The following COL4A6 variants were observed in gnomAD, a reference collection of about 807,000 sequenced individuals.
The protein encoded by COL4A6 is collagen type IV alpha 6 chain.
A neutral mutation model predicts 126.7 loss-of-function variants in COL4A6; 59 were observed. The observed-to-expected ratio is 0.47, with a 90% CI of 0.38 to 0.58. The LOEUF is 0.58. Among genes scored for constraint, COL4A6 ranks in the 20% least tolerant of loss-of-function variants. COL4A6 has a pLI of 0.00. For missense variants in COL4A6, 1,285 were observed against 1,337.3 expected, an observed-to-expected ratio of 0.96 and a Z score of 0.61; for synonymous variants, 547 against 496.6, an observed-to-expected ratio of 1.10 and a Z score of -1.35.
intron 3 of COL4A6, among the ~76,000 whole-genome samples, chrX:108,274,553 G>A (rs1430207475): frequency 2.7e-5 from 3 of 111,685 alleles, no homozygotes; most frequent in African/African-American, 9.8e-5. Context: ...AGCTAGCCGT[G>A]GAGAATCTCT....
intron 8 of COL4A6, among the ~76,000 whole-genome samples, chrX:108,209,405 G>A (rs1215248630): frequency 9.0e-6 from 1 of 111,490 alleles, no homozygotes; most frequent in Non-Finnish European, 1.9e-5. Context: ...AAAAAAGATA[G>A]AGCGAAGAAA....
chrX:108,338,712 GATT>G (rs1188245956), intron 2 of COL4A6, among the ~76,000 whole-genome samples: 1 of 112,108 alleles, frequency 8.9e-6, no homozygotes, highest in Non-Finnish European at 1.9e-5. Flanking sequence ...TTAAAAATGA[GATT>G]GCACTGTTGC....
chrX:108,307,300 T>C (rs998845154), intron 3 of COL4A6, among the ~76,000 whole-genome samples: 23 of 112,058 alleles, frequency 2.1e-4, no homozygotes, highest in African/African-American at 7.5e-4. Context: ...AAGGTTTAGC[T>C]ACTAGCAGGC....
intron 2 of COL4A6, among the ~76,000 whole-genome samples, chrX:108,416,123 G>GT (rs1172717119): frequency 8.9e-6 from 1 of 112,011 alleles, no homozygotes; most frequent in African/African-American, 3.2e-5. Flanking sequence ...TGACAAAGCA[G>GT]TGAAGGTTTA....
chrX:108,264,977 C>T (rs942419139), intron 3 of COL4A6, among the ~76,000 whole-genome samples: 2 of 112,013 alleles, frequency 1.8e-5, no homozygotes, highest in African/African-American at 3.2e-5. Context: ...TACTTAACCT[C>T]TCTTAACCTC....
rs143537909 is a variant in COL4A6 at position 108,333,451 on chromosome X, G to A, written c.64-22623C>T. On this transcript the variant is annotated intron_variant, in intron 2 of 44. Transcript: ENST00000334504. ...AAAAGCCATACCTGACAAACCCACA[G>A]CCAACATCATATTGAACAGGAAAAA... is the stretch of plus-strand genomic sequence containing the variant. Among the ~76,000 whole-genome samples, 116 of 110,916 alleles carry A rather than the reference G, an allele frequency of 1.0e-3. 3 individuals are homozygous for A. In the East Asian group the frequency reaches 0.032, roughly 30 times the overall value.
chrX:108,367,449 G>A (rs1249537854), intron 2 of COL4A6, among the ~76,000 whole-genome samples: 4 of 111,587 alleles, frequency 3.6e-5, no homozygotes, highest in South Asian at 3.7e-4. Context: ...ACATACCCTC[G>A]TGTCTTAAAG....
intron 28 of COL4A6, among the ~76,000 whole-genome samples, 184 bp downstream of exon 28, chrX:108,176,657 G>A (rs1212853267): frequency 3.6e-5 from 4 of 112,215 alleles, no homozygotes; most frequent in African/African-American, 1.3e-4. Flanking sequence ...CAGGCAGTGA[G>A]GGTGACTCAC....
At chrX:108,196,195 C>G (rs1279231813) in intron 14 of COL4A6, among the ~76,000 whole-genome samples, 6 of 111,000 alleles carry the variant, frequency 5.4e-5, no homozygotes, top group Admixed American at 1.9e-4. Context: ...CAAGGCAACA[C>G]TTGCCTTGCT....
intron 3 of COL4A6, among the ~76,000 whole-genome samples, chrX:108,230,514 AT>A (rs1429547121): frequency 2.7e-5 from 3 of 111,571 alleles, no homozygotes; most frequent in Non-Finnish European, 5.7e-5. Flanking sequence ...TGAAATTCTC[AT>A]TTCAGCTGAT....
chrX:108,343,165 A>ATATATAGT (rs1377817612), intron 2 of COL4A6, among the ~76,000 whole-genome samples: 1 of 31,414 alleles, frequency 3.2e-5, no homozygotes, highest in Admixed American at 4.3e-4. Flanking sequence ...ATATATATAT[A>ATATATAGT]GTGTGTGTGT....
chrX:108,434,274 G>A (rs183153981), intron 2 of COL4A6, among the ~76,000 whole-genome samples: 1 of 111,278 alleles, frequency 9.0e-6, no homozygotes, highest in Non-Finnish European at 1.9e-5. Flanking sequence ...GAAGCCTATG[G>A]ACTCCTTTTT....
In COL4A6 at chrX:108,310,666, T is replaced by C; in HGVS notation, c.144+82A>G. ...GTTCCATGAGGTCATAAGAGTAAAT[T>C]CTAAGCAGTTTATTTCTAAAGAAAA... On this transcript the variant is annotated intron_variant, in intron 3 of 44. Coordinates refer to ENST00000334504, the MANE Select transcript of COL4A6 (RefSeq NM_033641.4). 2 of 888,314 alleles carry C rather than the reference T, an allele frequency of 2.3e-6. 1 individual carries two copies. Among genetic ancestry groups the C allele is most frequent in the African/African-American group, 3.9e-5 (2 of 50,679 alleles). The allele number at this position is 888,314 out of a possible 1,213,427, so 73.2% of individuals were successfully genotyped here.
At position 108,157,156 on chromosome X, in the gene COL4A6, T is replaced by C; in HGVS notation, c.4917A>G (p.Arg1639=). Residue 1639 remains arginine (R), a synonymous_variant, in exon 45 of 45, where the codon CGA becomes CGG. Coordinates refer to ENST00000334504, the MANE Select transcript of COL4A6 (RefSeq NM_033641.4). ...TGTTTGCAAAGTAGTGGCAGGTGCCTCGGGCACCACTGCATTCGATGAAAG... is the reference window on the plus strand; with the variant it reads ...TGTTTGCAAAGTAGTGGCAGGTGCCCCGGGCACCACTGCATTCGATGAAAG... ...ATPFIECSGA[R]GTCHYFANKY... is the part of the protein sequence containing the mutation. The C allele has an allele frequency of 1.7e-6, 2 of 1,211,581 alleles. No individual in the cohort carries two copies. The highest frequency in any genetic ancestry group is 3.5e-5 in the South Asian group (2 of 56,991).
At chrX:108,315,076 T>C (rs2038850114) in intron 2 of COL4A6, among the ~76,000 whole-genome samples, 1 of 111,993 alleles carries the variant, frequency 8.9e-6, no homozygotes, top group Non-Finnish European at 1.9e-5. Flanking sequence ...TGTCTGTATA[T>C]GTAATTATCT....
At chrX:108,395,345 T>C (rs1487174062) in intron 2 of COL4A6, among the ~76,000 whole-genome samples, 1 of 112,053 alleles carries the variant, frequency 8.9e-6, no homozygotes, top group East Asian at 2.8e-4. Context: ...AGGGCTATTC[T>C]CTATGACAGC....
chrX:108,263,733 A>ATAATT lies in COL4A6; in HGVS notation c.145-42364_145-42360dup, dbSNP rs2037226191. Among the ~76,000 whole-genome samples the ATAATT allele has an allele frequency of 5.4e-5, 6 of 111,786 alleles. No individual in the cohort carries two copies. In the South Asian group the frequency reaches 1.9e-3, roughly 35 times the overall value. On this transcript the variant is annotated intron_variant, in intron 3 of 44. Transcript: ENST00000334504. ...CTGATTGCTTGAATCTCACCTCCAG[A>ATAATT]TAATTTAATTTAATTAGTTTGGGGG...
chrX:108,355,032 T>C (rs1603148587), intron 2 of COL4A6, among the ~76,000 whole-genome samples: 1 of 111,590 alleles, frequency 9.0e-6, no homozygotes, highest in Non-Finnish European at 1.9e-5. Context: ...GGGTGGACAA[T>C]TATTGAGCAC....
In COL4A6 at chrX:108,261,054, A is replaced by G. The variant is rs374780370; in HGVS notation, c.145-39680T>C. Among the ~76,000 whole-genome samples the G allele has an allele frequency of 4.0e-4, 44 of 111,032 alleles. 1 individual carries two copies. In the South Asian group the frequency reaches 0.016, roughly 42 times the overall value. On this transcript the variant is annotated intron_variant, in intron 3 of 44. Transcript: ENST00000334504. ...TCAACTACCTCTTTAATCATCCCCA[A>G]ATTAGAAGACATCATTAGCACAGAC...
Sources: allele counts gnomAD v4.1 joint callset (sites outside exome capture counted in the v4.1 genomes callset), GRCh38; gene constraint gnomAD v4.1.1; transcripts MANE v1.5; gene names NCBI Gene and HGNC (gene_info 2026-07-23, HGNC 2026-07-21).